LDLRAD4: variants seen among roughly 807,000 people sequenced by gnomAD.
The protein encoded by LDLRAD4 is low-density lipoprotein receptor class A domain-containing protein 4.
LDLRAD4 carries 5 observed loss-of-function variants against 17.0 expected under a neutral mutation model. The ratio of observed to expected loss-of-function variants is 0.29; its 90% CI spans 0.15 to 0.62. The LOEUF (loss-of-function observed/expected upper bound fraction) is 0.62. Among genes scored for constraint, LDLRAD4 ranks in the 20% least tolerant of loss-of-function variants. LDLRAD4 has a pLI of 0.84. For missense variants in LDLRAD4, 340 were observed against 424.7 expected, an observed-to-expected ratio of 0.80 and a Z score of 1.75; for synonymous variants, 168 against 171.8, an observed-to-expected ratio of 0.98 and a Z score of 0.17.
chr18:13,359,266 A>G (rs2083518219), intron 1 of LDLRAD4, among the ~76,000 whole-genome samples: 1 of 152,186 alleles, frequency 6.6e-6, no homozygotes, highest in Non-Finnish European at 1.5e-5. Flanking sequence ...GAGTTGAGGG[A>G]TGGAGAGGAC....
chr18:13,299,506 C>T (rs1275192832), intron 1 of LDLRAD4, among the ~76,000 whole-genome samples: 1 of 152,142 alleles, frequency 6.6e-6, no homozygotes, highest in African/African-American at 2.4e-5. Context: ...TGTGACACAG[C>T]CTTTTATTTT....
At chr18:13,466,521 T>C (rs1014028528) in intron 3 of LDLRAD4, among the ~76,000 whole-genome samples, 2 of 145,634 alleles carry the variant, frequency 1.4e-5, no homozygotes, top group African/African-American at 5.0e-5. Flanking sequence ...ACCACATTTA[T>C]AGAATGAAAG....
rs547071684 is a variant in LDLRAD4, at chr18:13,462,740, C to T, written c.181+24356C>T. Among the ~76,000 whole-genome samples, 6 of 152,236 alleles carry T rather than the reference C, an allele frequency of 3.9e-5. No individual in the cohort carries two copies. In the East Asian group the frequency reaches 5.8e-4, roughly 15 times the overall value. On this transcript the variant is annotated intron_variant, in intron 3 of 5. Coordinates refer to ENST00000359446, the Ensembl canonical transcript of LDLRAD4. ...GTGGGCTCAGTCATGGTGGCTGTCA[C>T]GGGCGGAGCAGGGACAGCAAGGATG...
At chr18:13,549,080 C>T (rs1011018373) in intron 3 of LDLRAD4, among the ~76,000 whole-genome samples, 3 of 152,146 alleles carry the variant, frequency 2.0e-5, no homozygotes, top group Non-Finnish European at 4.4e-5. Flanking sequence ...CAAATGGATG[C>T]TGGTGTGTGC....
intron 2 of LDLRAD4, chr18:13,419,742 A>C (rs182949661): frequency 2.6e-5 from 4 of 152,198 alleles, no homozygotes; most frequent in African/African-American, 9.6e-5. Flanking sequence ...CTCAGCTCTA[A>C]AATAAGGGAA....
chr18:13,642,801 A>G (rs2042696829), intron 4 of LDLRAD4: 1 of 1,174,708 alleles, frequency 8.5e-7, no homozygotes, highest in Non-Finnish European at 1.1e-6. Context: ...TAATCTGGCC[A>G]GGAGTTCAAC....
At chr18:13,390,266 G>A (rs1011750404) in intron 2 of LDLRAD4, among the ~76,000 whole-genome samples, 6 of 152,206 alleles carry the variant, frequency 3.9e-5, no homozygotes, top group Admixed American at 2.0e-4. Context: ...TGGGGTGTTC[G>A]CCACAGCCGC....
intron 3 of LDLRAD4, among the ~76,000 whole-genome samples, chr18:13,596,283 A>G (rs1379951785): frequency 2.0e-5 from 3 of 152,088 alleles, no homozygotes; most frequent in African/African-American, 7.2e-5. Flanking sequence ...TTTTCTATAC[A>G]TAGCATATAG....
chr18:13,465,433 T>G (rs534731986), intron 3 of LDLRAD4, among the ~76,000 whole-genome samples: 2 of 152,218 alleles, frequency 1.3e-5, no homozygotes, highest in Admixed American at 6.5e-5. Context: ...GTAGGAGTTA[T>G]GGACAAATGC....
chr18:13,227,579 T>C (rs2041873892), intron 1 of LDLRAD4, among the ~76,000 whole-genome samples: 2 of 152,164 alleles, frequency 1.3e-5, no homozygotes, highest in African/African-American at 4.8e-5. Context: ...CTCATGCTGC[T>C]ATGAAGAAAT....
At chr18:13,379,044 A>T (rs1286785365) in intron 1 of LDLRAD4, among the ~76,000 whole-genome samples, 4 of 152,334 alleles carry the variant, frequency 2.6e-5, no homozygotes, top group Non-Finnish European at 5.9e-5. Context: ...GTGTTTTCTC[A>T]TTAGATACAC....
chr18:13,603,605 A>T (rs2095188856), intron 3 of LDLRAD4, among the ~76,000 whole-genome samples: 1 of 152,234 alleles, frequency 6.6e-6, no homozygotes, highest in South Asian at 2.1e-4. Context: ...TAAATGGCCT[A>T]CTTGAATGAG....
At chr18:13,624,457 G>T (rs750050433) in intron 4 of LDLRAD4, among the ~76,000 whole-genome samples, 2 of 152,232 alleles carry the variant, frequency 1.3e-5, no homozygotes, top group Non-Finnish European at 2.9e-5. Context: ...CCCCGCCTCC[G>T]CCACCAGCAG....
At chr18:13,531,989 C>T (rs2094135667) in intron 3 of LDLRAD4, among the ~76,000 whole-genome samples, 2 of 152,138 alleles carry the variant, frequency 1.3e-5, no homozygotes, top group Non-Finnish European at 2.9e-5. Context: ...ACACTGACCC[C>T]CCACCACCCC....
intron 1 of LDLRAD4, among the ~76,000 whole-genome samples, chr18:13,293,071 A>G (rs1014301690): frequency 2.6e-5 from 4 of 152,252 alleles, no homozygotes; most frequent in African/African-American, 9.6e-5. Context: ...TAAAAGGTGG[A>G]TGCATGCTGA....
chr18:13,308,873 G>T (rs2047066025), intron 1 of LDLRAD4, among the ~76,000 whole-genome samples: 1 of 152,300 alleles, frequency 6.6e-6, no homozygotes, highest in South Asian at 2.1e-4. Flanking sequence ...CTGGAGTTTT[G>T]ATGTTTATGT....
intron 3 of LDLRAD4, among the ~76,000 whole-genome samples, chr18:13,591,862 ATTGT>A (rs2095033941): frequency 6.6e-6 from 1 of 152,196 alleles, no homozygotes; most frequent in African/African-American, 2.4e-5. Context: ...GTTTGATTTG[ATTGT>A]TATAACATCG....
At chr18:13,386,469 G>A (rs887976099) in intron 1 of LDLRAD4, among the ~76,000 whole-genome samples, 5 of 151,988 alleles carry the variant, frequency 3.3e-5, no homozygotes, top group South Asian at 2.1e-4. Flanking sequence ...CCGGGTTCAA[G>A]TGATTCTCCT....
At chr18:13,533,893 G>A (rs2094165506) in intron 3 of LDLRAD4, among the ~76,000 whole-genome samples, 3 of 152,170 alleles carry the variant, frequency 2.0e-5, no homozygotes, top group Non-Finnish European at 4.4e-5. Context: ...TTGACAAAAG[G>A]TGAAATAGAA....
Sources: gnomAD v4.1 joint callset for allele counts (sites outside exome capture counted in the v4.1 genomes callset) on GRCh38, gnomAD v4.1.1 for gene constraint, MANE v1.5 for transcripts, NCBI Gene and HGNC (gene_info 2026-07-23, HGNC 2026-07-21) for gene names.